FOXK1: variants seen among roughly 807,000 people sequenced by gnomAD.
The protein encoded by FOXK1 is forkhead box K1.
A neutral mutation model predicts 51.9 loss-of-function variants in FOXK1; 19 were observed. That is an observed-to-expected ratio of 0.37 (90% CI 0.26 to 0.54). The LOEUF is 0.54. Among genes scored for constraint, FOXK1 ranks in the 20% least tolerant of loss-of-function variants. The pLI, the probability that FOXK1 is intolerant of heterozygous loss-of-function variation, is 0.87. For synonymous variants in FOXK1, 537 were observed against 482.6 expected, an observed-to-expected ratio of 1.11 and a Z score of -1.48; for missense variants, 870 against 1,032.7, an observed-to-expected ratio of 0.84 and a Z score of 2.16.
intron 1 of FOXK1, among the ~76,000 whole-genome samples, chr7:4,708,152 A>G (rs1407880776): frequency 1.3e-5 from 2 of 151,936 alleles, no homozygotes; most frequent in African/African-American, 4.8e-5. Flanking sequence ...GTGCTCTTTG[A>G]AGGGCCCGAG....
intron 7 of FOXK1, 28 bp downstream of exon 7, chr7:4,759,623 G>T (rs1029728126): frequency 2.6e-6 from 4 of 1,522,430 alleles, no homozygotes; most frequent in African/African-American, 1.4e-5. Flanking sequence ...GGCAGCCTTC[G>T]CAGGACCCTT....
chr7:4,687,539 C>A (rs192791553), intron 1 of FOXK1, among the ~76,000 whole-genome samples: 1 of 152,236 alleles, frequency 6.6e-6, no homozygotes, highest in East Asian at 1.9e-4. Context: ...GTGATCCACC[C>A]GCCTTGGCCT....
rs1175834640 is a variant in FOXK1, at chr7:4,768,288, A to G, written c.*5824A>G. On this transcript the variant is annotated 3_prime_UTR_variant, in exon 9 of 9. Coordinates refer to ENST00000328914, the MANE Select transcript of FOXK1 (RefSeq NM_001037165.2). ...GCTGGGACTACAGGCGCCCGCTACC[A>G]CGCCCGGCTAATTTTTTGTATTTTT... The G allele has an allele frequency of 3.4e-5, 5 of 145,666 alleles. No individual in the cohort carries two copies. Among genetic ancestry groups the G allele is most frequent in the Non-Finnish European group, 7.4e-5 (5 of 67,344 alleles). The allele number at this position is 145,666 out of a possible 1,614,324, so 9.0% of individuals were successfully genotyped here.
intron 7 of FOXK1, among the ~76,000 whole-genome samples, chr7:4,760,812 C>G (rs1780921604): frequency 6.6e-6 from 1 of 152,208 alleles, no homozygotes; most frequent in African/African-American, 2.4e-5. Flanking sequence ...GATGGCACCC[C>G]TGCACTCCAG....
intron 1 of FOXK1, among the ~76,000 whole-genome samples, chr7:4,689,523 C>T (rs1230640124): frequency 6.6e-6 from 1 of 152,166 alleles, no homozygotes; most frequent in Non-Finnish European, 1.5e-5. Flanking sequence ...TGTTTTCATG[C>T]AGCGAGTGAG....
chr7:4,721,311 C>T (rs1469969309), intron 1 of FOXK1, among the ~76,000 whole-genome samples: 2 of 152,198 alleles, frequency 1.3e-5, no homozygotes, highest in Non-Finnish European at 2.9e-5. Flanking sequence ...CCTTGAGCTG[C>T]CGGCCTAGCC....
rs1780860764 is a variant in FOXK1, at chr7:4,756,925, A to G, written c.1051-69A>G. ...CTCACCCTGGTCCCGCATCTGCTGC[A>G]GATTTGAGGTGGGTGGGACTCATTT... On this transcript the variant is annotated intron_variant, in intron 4 of 8. Coordinates refer to ENST00000328914, the MANE Select transcript of FOXK1 (RefSeq NM_001037165.2). The surrounding 1 kb of genome is among the most constrained non-coding windows in gnomAD (Gnocchi z 4.1). 4.5e-6 allele frequency: 7 copies of G among 1,538,722 alleles called. No individual in the cohort carries two copies. Among genetic ancestry groups the G allele is most frequent in the Non-Finnish European group, 6.2e-6 (7 of 1,129,594 alleles).
Position 4,731,497 on chromosome 7 carries a change from C to G in FOXK1, c.561-9341C>G, listed in dbSNP as rs183331003. 6.6e-6 allele frequency among the ~76,000 whole-genome samples: 1 copy of G among 152,188 alleles called. No homozygotes were observed. The highest frequency in any genetic ancestry group is 6.5e-5 in the Admixed American group (1 of 15,270). Reference sequence around the variant, plus strand: ...AGAGGCGGCCGGGCACAGTGGCTCACGCCTGTAATCCCAGCACTTTGGGAG... The same window carrying G: ...AGAGGCGGCCGGGCACAGTGGCTCAGGCCTGTAATCCCAGCACTTTGGGAG... On this transcript the variant is annotated intron_variant, in intron 1 of 8. Coordinates refer to ENST00000328914, the MANE Select transcript of FOXK1 (RefSeq NM_001037165.2). The surrounding 1 kb of genome is among the most constrained non-coding windows in gnomAD (Gnocchi z 5.3).
chr7:4,691,075 A>G (rs762449547), intron 1 of FOXK1, among the ~76,000 whole-genome samples: 1 of 152,168 alleles, frequency 6.6e-6, no homozygotes, highest in Non-Finnish European at 1.5e-5. Flanking sequence ...GTTGCCGGGT[A>G]ATTAAAAAGG....
chr7:4,697,605 G>T (rs6963829), intron 1 of FOXK1, among the ~76,000 whole-genome samples: 23 of 152,090 alleles, frequency 1.5e-4, no homozygotes, highest in African/African-American at 4.8e-4. Flanking sequence ...CGTTTACCTG[G>T]GTTCATCAGC....
At chr7:4,744,962 T>C (rs554641123) in intron 2 of FOXK1, among the ~76,000 whole-genome samples, 1 of 152,366 alleles carries the variant, frequency 6.6e-6, no homozygotes, top group East Asian at 1.9e-4. Flanking sequence ...TGGAATTCAA[T>C]TGAGTGTTTA....
intron 1 of FOXK1, among the ~76,000 whole-genome samples, chr7:4,705,781 C>CG (rs1295214275): frequency 6.6e-6 from 1 of 150,640 alleles, no homozygotes; most frequent in African/African-American, 2.5e-5. Flanking sequence ...TCGTGACCCC[C>CG]CCCCGCCTCA....
intron 1 of FOXK1, among the ~76,000 whole-genome samples, chr7:4,724,810 G>C (rs563878326): frequency 9.8e-5 from 15 of 152,296 alleles, no homozygotes; most frequent in African/African-American, 3.4e-4. Flanking sequence ...AGGGATGGTG[G>C]GCGGTGATCC....
At chr7:4,760,938 T>C (rs1780922978) in intron 7 of FOXK1, 126 bp from the exon 8 acceptor site, 1 of 819,796 alleles carries the variant, frequency 1.2e-6, no homozygotes, top group Non-Finnish European at 2.0e-6. Context: ...GATTTTCCTC[T>C]AGCAAACCTA....
chr7:4,710,526 AATCG>A (rs1780161277), intron 1 of FOXK1, among the ~76,000 whole-genome samples: 1 of 152,182 alleles, frequency 6.6e-6, no homozygotes, highest in African/African-American at 2.4e-5. Context: ...AGTGAGCCTC[AATCG>A]CGCCACTGCA....
rs984467039 is a variant in FOXK1, at chr7:4,754,606, C to T, written c.894C>T (p.Asp298=). 1.2e-6 allele frequency: 2 copies of T among 1,604,184 alleles called. No individual in the cohort carries two copies. Among genetic ancestry groups the T allele is most frequent in the African/African-American group, 1.3e-5 (1 of 75,068 alleles). Residue 298 remains aspartate, a synonymous_variant, in exon 3 of 9, where the codon GAC becomes GAT. Transcript: ENST00000328914. ...SEQQADTSGG[D]SPKDESKPPF... Reference sequence around the variant, plus strand: ...AGCAGGCAGACACGTCTGGAGGAGACAGCCCCAAGGTCTGAGCCCACCTGG... The same window carrying T: ...AGCAGGCAGACACGTCTGGAGGAGATAGCCCCAAGGTCTGAGCCCACCTGG...
chr7:4,770,300 C>T lies in FOXK1; in HGVS notation c.*7836C>T, dbSNP rs1332892486. On this transcript the variant is annotated 3_prime_UTR_variant, in exon 9 of 9. Transcript: ENST00000328914. ...CCGTAATCCCAGCACTTTGGGAGGC[C>T]GAGGCAGGCGCATCACCTGAGGAGT... 6.6e-6 allele frequency: 1 copy of T among 152,012 alleles called. No individual in the cohort carries two copies. The highest frequency in any genetic ancestry group is 6.6e-5 in the Admixed American group (1 of 15,252). 9.4% of individuals were successfully genotyped at this position (152,012 alleles called of 1,614,324 possible). A position where few individuals can be genotyped will look rare whatever the true frequency, so the allele number is the denominator to read the frequency against.
In FOXK1 at chr7:4,768,324, G is replaced by A. The variant is rs1781046461; in HGVS notation, c.*5860G>A. 2 of 141,228 alleles carry A rather than the reference G, an allele frequency of 1.4e-5. No individual in the cohort carries two copies. The highest frequency in any genetic ancestry group is 1.9e-4 in the East Asian group (1 of 5,136). The allele number at this position is 141,228 out of a possible 1,614,324, so 8.7% of individuals were successfully genotyped here. A position where few individuals can be genotyped will look rare whatever the true frequency, so the allele number is the denominator to read the frequency against. Reference sequence around the variant, plus strand: ...ATTTTTTGTATTTTTAGTAGAGACGGGGTTTCACCGTGTTAGCCAGGATGG... The same window carrying A: ...ATTTTTTGTATTTTTAGTAGAGACGAGGTTTCACCGTGTTAGCCAGGATGG... On this transcript the variant is annotated 3_prime_UTR_variant, in exon 9 of 9. Transcript: ENST00000328914.
intron 1 of FOXK1, among the ~76,000 whole-genome samples, chr7:4,686,887 CAT>C (rs961951054): frequency 1.3e-5 from 2 of 151,068 alleles, no homozygotes; most frequent in African/African-American, 2.4e-5. Context: ...TGTGTGTGCA[CAT>C]GTGTGTGTGT....
Sources: allele counts gnomAD v4.1 joint callset (sites outside exome capture counted in the v4.1 genomes callset), GRCh38; gene constraint gnomAD v4.1.1; non-coding constraint Gnocchi (gnomAD v3.1); transcripts MANE v1.5; gene names NCBI Gene and HGNC (gene_info 2026-07-23, HGNC 2026-07-21).